The following MTUS2 variants were observed in gnomAD, a reference collection of about 807,000 sequenced individuals.
MTUS2 encodes microtubule associated scaffold protein 2.
A neutral mutation model predicts 114.1 loss-of-function variants in MTUS2; 40 were observed. That is an observed-to-expected ratio of 0.35 (90% CI 0.27 to 0.46). MTUS2 has a LOEUF of 0.46. Among genes scored for constraint, MTUS2 ranks in the 20% least tolerant of loss-of-function variants. The pLI, the probability that MTUS2 is intolerant of heterozygous loss-of-function variation, is 1.00. For missense variants in MTUS2, 1,679 were observed against 1,705.4 expected, an observed-to-expected ratio of 0.98 and a Z score of 0.27; for synonymous variants, 688 against 672.0, an observed-to-expected ratio of 1.02 and a Z score of -0.37.
intron 6 of MTUS2, among the ~76,000 whole-genome samples, chr13:29,318,391 C>CTTTTTTTCTTTTTCTTTTTT (rs1900104109): frequency 7.4e-6 from 1 of 135,038 alleles, no homozygotes; most frequent in Non-Finnish European, 1.5e-5. Context: ...ATTTCTTTTT[C>CTTTTTTTCTTTTTCTTTTTT]TTTTTTTTTT....
chr13:29,071,869 T>A (rs1217702901), intron 4 of MTUS2: 2 of 151,684 alleles, frequency 1.3e-5, no homozygotes, highest in African/African-American at 4.9e-5. Context: ...CTCCGAGGTG[T>A]GGCAGGGGGT....
chr13:28,940,767 A>G (rs1475551326), intron 2 of MTUS2, among the ~76,000 whole-genome samples: 1 of 152,150 alleles, frequency 6.6e-6, no homozygotes, highest in Non-Finnish European at 1.5e-5. Context: ...CATAAAAAGG[A>G]ATTAGAAAAC....
chr13:28,832,181 T>A (rs1324456945), intron 1 of MTUS2, among the ~76,000 whole-genome samples: 6 of 152,182 alleles, frequency 3.9e-5, no homozygotes, highest in Non-Finnish European at 8.8e-5. Flanking sequence ...AACAGACACC[T>A]AAAGAACACT....
chr13:29,384,802 A>G (rs995738043), intron 8 of MTUS2, among the ~76,000 whole-genome samples: 2 of 152,164 alleles, frequency 1.3e-5, no homozygotes, highest in South Asian at 2.1e-4. Context: ...ACTCCAGCCA[A>G]CAGTGCCCCT....
rs1215690777 is a variant in MTUS2, at chr13:29,197,576, C to G, written c.2645-84128C>G. 2.6e-5 allele frequency among the ~76,000 whole-genome samples: 4 copies of G among 152,108 alleles called. No individual in the cohort carries two copies. The East Asian group carries it at 7.7e-4, about 29-fold the overall frequency. ...TAGAATGATTCTTTGGGTATATACTCAGTAATGGGATCGCTGGGTCAAATG... is the reference window on the plus strand; with the variant it reads ...TAGAATGATTCTTTGGGTATATACTGAGTAATGGGATCGCTGGGTCAAATG... On this transcript the variant is annotated intron_variant, in intron 5 of 15. Coordinates refer to ENST00000612955, the MANE Select transcript of MTUS2 (RefSeq NM_001033602.4).
Position 28,964,544 on chromosome 13 carries a change from C to T in MTUS2, c.-242-59913C>T, listed in dbSNP as rs1381310997. Among the ~76,000 whole-genome samples, 9 of 152,012 alleles carry T rather than the reference C, an allele frequency of 5.9e-5. No individual in the cohort carries two copies. In the East Asian group the frequency reaches 1.8e-3, roughly 30 times the overall value. Reference sequence around the variant, plus strand: ...GCCACTGCACCTAAACACTGCCTGGCACTTGAGAGGTACGCTGAATTATGA... The same window carrying T: ...GCCACTGCACCTAAACACTGCCTGGTACTTGAGAGGTACGCTGAATTATGA... On this transcript the variant is annotated intron_variant, in intron 2 of 15. Coordinates refer to ENST00000612955, the MANE Select transcript of MTUS2 (RefSeq NM_001033602.4).
At chr13:29,216,577 A>G (rs1011444449) in intron 5 of MTUS2, among the ~76,000 whole-genome samples, 1 of 152,198 alleles carries the variant, frequency 6.6e-6, no homozygotes, top group African/African-American at 2.4e-5. Context: ...TGGGCTGGAT[A>G]GCAGAGTCCC....
intron 1 of MTUS2, among the ~76,000 whole-genome samples, chr13:28,826,966 C>CT (rs1458558870): frequency 6.6e-6 from 1 of 152,192 alleles, no homozygotes; most frequent in Non-Finnish European, 1.5e-5. Flanking sequence ...AATTAATTAT[C>CT]TTTGTGCTAA....
chr13:29,074,265 T>C (rs957330013), intron 4 of MTUS2, among the ~76,000 whole-genome samples: 1 of 152,166 alleles, frequency 6.6e-6, no homozygotes, highest in African/African-American at 2.4e-5. Flanking sequence ...CTTGACTAGC[T>C]CCTTTTTATC....
intron 5 of MTUS2, among the ~76,000 whole-genome samples, chr13:29,247,041 A>C (rs1381205118): frequency 6.6e-6 from 1 of 152,232 alleles, no homozygotes; most frequent in Non-Finnish European, 1.5e-5. Flanking sequence ...TCACCAAAAC[A>C]ACATGGTACT....
At chr13:29,439,754 C>T (rs1416151006) in intron 8 of MTUS2, among the ~76,000 whole-genome samples, 1 of 152,048 alleles carries the variant, frequency 6.6e-6, no homozygotes, top group East Asian at 1.9e-4. Context: ...AAAACACAAC[C>T]ACGGGTATTA....
At chr13:28,849,712 C>G (rs1402152827) in intron 2 of MTUS2, among the ~76,000 whole-genome samples, 1 of 152,006 alleles carries the variant, frequency 6.6e-6, no homozygotes, top group Non-Finnish European at 1.5e-5. Context: ...TGCTTGAACC[C>G]TTTGCTCCAG....
intron 3 of MTUS2, among the ~76,000 whole-genome samples, chr13:29,027,535 T>C (rs1172069012): frequency 6.6e-6 from 1 of 152,092 alleles, no homozygotes; most frequent in East Asian, 1.9e-4. Flanking sequence ...AGTTTTTTGT[T>C]TGTTTATGTT....
chr13:29,114,235 A>G (rs1890994722), intron 5 of MTUS2, among the ~76,000 whole-genome samples: 1 of 152,178 alleles, frequency 6.6e-6, no homozygotes, highest in Non-Finnish European at 1.5e-5. Flanking sequence ...AGTTGGTGAC[A>G]TAGAGCTAAT....
intron 5 of MTUS2, among the ~76,000 whole-genome samples, chr13:29,137,940 G>T (rs1320521126): frequency 6.6e-6 from 1 of 152,140 alleles, no homozygotes; most frequent in Non-Finnish European, 1.5e-5. Flanking sequence ...AAAGAAAAAG[G>T]CATTGGCCTT....
chr13:29,090,673 G>C (rs1485307998), intron 4 of MTUS2, among the ~76,000 whole-genome samples: 2 of 152,256 alleles, frequency 1.3e-5, no homozygotes, highest in Non-Finnish European at 2.9e-5. Flanking sequence ...AGGGACTGCA[G>C]GAGAGGCCAG....
At position 29,389,301 on chromosome 13, in the gene MTUS2, A is replaced by ATATGTATACACATATG. The variant is rs1301170889; in HGVS notation, c.3117+29829_3117+29830insATGTATACACATATGT. On this transcript the variant is annotated intron_variant, in intron 8 of 15. Coordinates refer to ENST00000612955, the MANE Select transcript of MTUS2 (RefSeq NM_001033602.4). ...TATATGTATACACATATGTGTGTATATGTGTATATATGTATACACATATGT... is the reference window on the plus strand; with the variant it reads ...TATATGTATACACATATGTGTGTATATATGTATACACATATGTGTGTATATATGTATACACATATGT... Among the ~76,000 whole-genome samples the ATATGTATACACATATG allele has an allele frequency of 3.0e-4, 41 of 136,624 alleles. 2 individuals carry two copies. The highest frequency in any genetic ancestry group is 4.7e-4 in the African/African-American group (14 of 30,046). The allele number at this position is 136,624 out of a possible 152,430, so 89.6% of individuals were successfully genotyped here. A position where few individuals can be genotyped will look rare whatever the true frequency, so the allele number is the denominator to read the frequency against.
At chr13:29,420,260 TTTTTCTTTC>T (rs1279950261) in intron 8 of MTUS2, among the ~76,000 whole-genome samples, 2 of 150,946 alleles carry the variant, frequency 1.3e-5, no homozygotes, top group South Asian at 2.1e-4. Context: ...TCTTTCTTTC[TTTTTCTTTC>T]TTTTCTTTCT....
At chr13:29,430,138 A>T (rs1396088096) in intron 8 of MTUS2, among the ~76,000 whole-genome samples, 1 of 149,458 alleles carries the variant, frequency 6.7e-6, no homozygotes, top group African/African-American at 2.4e-5. Flanking sequence ...AAGTGGTCAC[A>T]AAAGAGTATT....
Sources: gnomAD v4.1 joint callset for allele counts (sites outside exome capture counted in the v4.1 genomes callset) on GRCh38, gnomAD v4.1.1 for gene constraint, MANE v1.5 for transcripts, NCBI Gene and HGNC (gene_info 2026-07-23, HGNC 2026-07-21) for gene names.